SLC6A2: variants seen among roughly 807,000 people sequenced by gnomAD.
The protein encoded by SLC6A2 is sodium-dependent noradrenaline transporter.
Under a neutral mutation model 71.7 loss-of-function variants are expected in SLC6A2, and 26 were observed. The ratio of observed to expected loss-of-function variants is 0.36; its 90% CI spans 0.27 to 0.50. The LOEUF (loss-of-function observed/expected upper bound fraction) is 0.50, where lower values mean the gene tolerates loss of function less well. Ranked by LOEUF, SLC6A2 falls within the 20% of genes least tolerant of loss-of-function variation. SLC6A2 has a pLI of 0.96. For synonymous variants in SLC6A2, 363 were observed against 337.9 expected (o/e 1.07, Z -0.82); for missense variants, 581 against 803.9 (o/e 0.72, Z 3.35).
chr16:55,683,770 C>T (rs193290045), intron 4 of SLC6A2, among the ~76,000 whole-genome samples: 16 of 152,306 alleles, frequency 1.1e-4, no homozygotes, highest in Non-Finnish European at 1.5e-5. Flanking sequence ...CCTCACCCAG[C>T]TCAGGAAAGA....
chr16:55,685,085 C>T, intron 4 of SLC6A2, 58 bp from the exon 5 acceptor site: 3 of 1,572,718 alleles, frequency 1.9e-6, no homozygotes, highest in South Asian at 2.2e-5. Context: ...GTGGTCACGG[C>T]CTCTGTCGTC....
chr16:55,685,767 G>T (rs1351666356), intron 5 of SLC6A2, among the ~76,000 whole-genome samples: 2 of 152,198 alleles, frequency 1.3e-5, no homozygotes, highest in African/African-American at 2.4e-5. Context: ...GCTGGATTTT[G>T]TGTTTCCTCG....
intron 8 of SLC6A2, among the ~76,000 whole-genome samples, 186 bp from the exon 9 acceptor site, chr16:55,696,039 T>C (rs201014222): frequency 6.6e-6 from 1 of 152,178 alleles, no homozygotes; most frequent in Non-Finnish European, 1.5e-5. Flanking sequence ...AGACTGGCTG[T>C]TGGGGGTCAA....
chr16:55,685,683 T>G lies in SLC6A2; in HGVS notation c.783+402T>G, dbSNP rs144272162. On this transcript the variant is annotated intron_variant, in intron 5 of 14. Transcript: ENST00000568943. ...AAATGTTGCATCCTACTCTGGAATA[T>G]GACCATAAAATCAATAAATCCCCCC... 5.1e-4 allele frequency among the ~76,000 whole-genome samples: 77 copies of G among 152,324 alleles called. No individual in the cohort carries two copies. In the East Asian group the frequency reaches 0.015, roughly 29 times the overall value.
In SLC6A2 at chr16:55,696,294, T is replaced by C. The variant is rs1965796205; in HGVS notation, c.1217T>C (p.Val406Ala). ...CTGTCTGGATCTACATTCTGGGCTG[T>C]TGTGTTTTTCGTCATGCTCCTGGCG... is the stretch of plus-strand genomic sequence containing the variant. ...STLSGSTFWA[V>A]VFFVMLLALG... Residue 406 changes from valine to alanine, a missense_variant, in exon 9 of 15, where the codon GTT becomes GCT. Physicochemically the swap from Val to Ala is moderately conservative, Grantham distance 64. Around this residue, in one of 5 missense-constraint regions of SLC6A2, gnomAD observed 334 missense variants for 449.0 expected, o/e 0.74. Coordinates refer to ENST00000568943, the MANE Select transcript of SLC6A2 (RefSeq NM_001172501.3). 1.9e-6 allele frequency: 3 copies of C among 1,613,892 alleles called. No individual in the cohort carries two copies. Among genetic ancestry groups the C allele is most frequent in the Non-Finnish European group, 2.5e-6 (3 of 1,179,910 alleles).
chr16:55,665,737 A>T (rs1264904194), intron 2 of SLC6A2, among the ~76,000 whole-genome samples: 1 of 151,902 alleles, frequency 6.6e-6, no homozygotes, highest in African/African-American at 2.4e-5. Context: ...CTGCTCCAGC[A>T]CATCCCACTC....
Position 55,691,920 on chromosome 16 carries a change from G to T in SLC6A2, c.786G>T (p.Val262=), listed in dbSNP as rs200960155. Residue 262 remains valine, a splice_region_variant and synonymous_variant, in exon 6 of 15, where the codon GTG becomes GTT. Coordinates refer to ENST00000568943, the MANE Select transcript of SLC6A2 (RefSeq NM_001172501.3). ...ACCTGAACTTATCCATTGCCCAGGT[G>T]GTGTGGATCACAGCCACGCTGCCTT... is the stretch of plus-strand genomic sequence containing the variant. ...LWKGVKTSGK[V]VWITATLPYF... The T allele has an allele frequency of 6.2e-7, 1 of 1,614,176 alleles. No individual in the cohort carries two copies. The highest frequency in any genetic ancestry group is 2.2e-5 in the East Asian group (1 of 44,870).
chr16:55,672,551 G>A (rs1266988831), intron 4 of SLC6A2, among the ~76,000 whole-genome samples: 1 of 152,200 alleles, frequency 6.6e-6, no homozygotes, highest in Non-Finnish European at 1.5e-5. Context: ...GAACGGTTGC[G>A]TGGGTAGTCA....
In SLC6A2 at chr16:55,656,517, T is replaced by G; in HGVS notation, c.-51-127T>G. Reference sequence around the variant, plus strand: ...ATTTTTCCAGCGGACGCGCGCCCTTTTCTGGGAACCCTGCGTCCGCTCAGC... The same window carrying G: ...ATTTTTCCAGCGGACGCGCGCCCTTGTCTGGGAACCCTGCGTCCGCTCAGC... On this transcript the variant is annotated intron_variant, in intron 1 of 14. Transcript: ENST00000568943. This position sits in a 1 kb window ranked among gnomAD's most constrained non-coding sequence, Gnocchi z 4.5. The G allele has an allele frequency of 1.3e-6, 1 of 763,024 alleles. No homozygotes were observed. Among genetic ancestry groups the G allele is most frequent in the Non-Finnish European group, 2.2e-6 (1 of 462,082 alleles). The allele number at this position is 763,024 out of a possible 1,614,324, so 47.3% of individuals were successfully genotyped here.
At chr16:55,692,180 C>T (rs1298542538) in intron 6 of SLC6A2, 128 bp downstream of exon 6, 2 of 1,128,598 alleles carry the variant, frequency 1.8e-6, no homozygotes, top group African/African-American at 3.0e-5. Flanking sequence ...AGGATCCTTC[C>T]CTGTCTGAGG....
chr16:55,658,659 C>T (rs1964526446), intron 2 of SLC6A2, among the ~76,000 whole-genome samples: 2 of 152,296 alleles, frequency 1.3e-5, no homozygotes, highest in East Asian at 3.9e-4. Context: ...TCCATGGTCT[C>T]CCTGACACCT....
intron 2 of SLC6A2, among the ~76,000 whole-genome samples, chr16:55,662,967 G>C (rs1396924782): frequency 6.6e-6 from 1 of 152,136 alleles, no homozygotes. Context: ...ATTCAATTCT[G>C]GTGCTGTCTA....
At chr16:55,670,667 C>G (rs2142511205) in intron 3 of SLC6A2, among the ~76,000 whole-genome samples, 1 of 152,244 alleles carries the variant, frequency 6.6e-6, no homozygotes, top group Admixed American at 6.5e-5. Flanking sequence ...TAAATTTTAC[C>G]AAGTTTAAAT....
chr16:55,682,536 A>G (rs1228424432), intron 4 of SLC6A2, among the ~76,000 whole-genome samples: 1 of 152,184 alleles, frequency 6.6e-6, no homozygotes, highest in Non-Finnish European at 1.5e-5. Flanking sequence ...ATCTCTCATG[A>G]GCTAACAGGT....
intron 7 of SLC6A2, 27 bp from the exon 8 acceptor site, chr16:55,695,251 T>A: frequency 6.2e-7 from 1 of 1,613,892 alleles, no homozygotes; most frequent in Admixed American, 1.7e-5. Context: ...GTCAAGGGAC[T>A]TGACCTCACT....
chr16:55,679,012 G>C (rs1377283560), intron 4 of SLC6A2, among the ~76,000 whole-genome samples: 7 of 152,120 alleles, frequency 4.6e-5, no homozygotes, highest in Admixed American at 4.6e-4. Flanking sequence ...GGGCCTGTTG[G>C]GGGGCATTTC....
chr16:55,671,444 T>TA, intron 3 of SLC6A2, among the ~76,000 whole-genome samples: 1 of 152,310 alleles, frequency 6.6e-6, no homozygotes, highest in Non-Finnish European at 1.5e-5. Flanking sequence ...GGCAATCTGC[T>TA]ATAGCACGTT....
At chr16:55,695,446 G>A (rs2142604356) in intron 8 of SLC6A2, 44 bp downstream of exon 8, 1 of 1,610,538 alleles carries the variant, frequency 6.2e-7, no homozygotes, top group Non-Finnish European at 8.5e-7. Context: ...TGAGGCGGGA[G>A]CTGAGAAGCC....
At chr16:55,701,995 C>A in intron 14 of SLC6A2, 61 bp downstream of exon 14, 1 of 1,290,318 alleles carries the variant, frequency 7.8e-7, no homozygotes, top group Non-Finnish European at 1.1e-6. Context: ...CTGTTCCCTG[C>A]TGTGCACTGC....
Sources: allele counts gnomAD v4.1 joint callset (sites outside exome capture counted in the v4.1 genomes callset), GRCh38; gene constraint gnomAD v4.1.1; regional missense constraint gnomAD v4.1.1; non-coding constraint Gnocchi (gnomAD v3.1); transcripts MANE v1.5; gene names NCBI Gene and HGNC (gene_info 2026-07-23, HGNC 2026-07-21).